The following ELMO1 variants were observed in gnomAD, a reference collection of about 807,000 sequenced individuals.
The protein encoded by ELMO1 is engulfment and cell motility protein 1.
ELMO1 carries 26 observed loss-of-function variants against 98.9 expected under a neutral mutation model. The observed-to-expected ratio is 0.26, with a 90% confidence interval of 0.19 to 0.36. The LOEUF (loss-of-function observed/expected upper bound fraction) is 0.36, where lower values mean the gene tolerates loss of function less well. ELMO1 is among the 10% of genes least tolerant of loss of function. The pLI is 1.00. For missense variants in ELMO1, 627 were observed against 935.2 expected (o/e 0.67, Z 4.30); for synonymous variants, 346 against 346.0 (o/e 1.00, Z 0.00).
At chr7:37,140,462 C>T (rs1007011557) in intron 13 of ELMO1, among the ~76,000 whole-genome samples, 1 of 151,982 alleles carries the variant, frequency 6.6e-6, no homozygotes, top group African/African-American at 2.4e-5. Flanking sequence ...CCCCTCTAGC[C>T]ATTGGCTTAG....
chr7:37,199,334 C>G (rs1165362578), intron 13 of ELMO1, among the ~76,000 whole-genome samples: 1 of 152,128 alleles, frequency 6.6e-6, no homozygotes, highest in Non-Finnish European at 1.5e-5. Context: ...TGAAAACGGG[C>G]TGAACATGGT....
chr7:37,287,102 A>G (rs1797429682), intron 4 of ELMO1, among the ~76,000 whole-genome samples: 1 of 151,974 alleles, frequency 6.6e-6, no homozygotes, highest in Non-Finnish European at 1.5e-5. Context: ...CTGAGACAGA[A>G]GGATCGCTTG....
intron 16 of ELMO1, among the ~76,000 whole-genome samples, chr7:36,963,724 C>T (rs1056158473): frequency 1.3e-5 from 2 of 152,180 alleles, no homozygotes; most frequent in Non-Finnish European, 2.9e-5. Flanking sequence ...TATGTCTATA[C>T]CCAATGTGTC....
chr7:37,101,816 A>G (rs113629383), intron 14 of ELMO1, among the ~76,000 whole-genome samples: 2,950 of 152,074 alleles, frequency 0.019, 43 homozygotes, highest in Non-Finnish European at 0.03. Context: ...CTCCTAGGAG[A>G]GAGTCACTCA....
rs117471197 is a variant in ELMO1, at chr7:37,328,726, G to T, written c.79-12766C>A. Reference sequence around the variant, plus strand: ...TAAAATCCTAAATTAACACTGGAACGTTTGATACCAACCAGGAGAGCCTCT... The same window carrying T: ...TAAAATCCTAAATTAACACTGGAACTTTTGATACCAACCAGGAGAGCCTCT... On this transcript the variant is annotated intron_variant, in intron 2 of 21. Transcript: ENST00000310758. 3.3e-5 allele frequency among the ~76,000 whole-genome samples: 5 copies of T among 152,256 alleles called. No individual in the cohort carries two copies. In the East Asian group the frequency reaches 9.7e-4, roughly 29 times the overall value.
intron 1 of ELMO1, among the ~76,000 whole-genome samples, chr7:37,372,628 A>G (rs1191347063): frequency 6.6e-6 from 1 of 152,232 alleles, no homozygotes; most frequent in Non-Finnish European, 1.5e-5. Flanking sequence ...TTACACTAAT[A>G]AAATTTTCTC....
At chr7:37,251,619 A>G (rs1795353397) in intron 6 of ELMO1, among the ~76,000 whole-genome samples, 2 of 152,348 alleles carry the variant, frequency 1.3e-5, no homozygotes, top group South Asian at 4.1e-4. Flanking sequence ...CCCACAGCCA[A>G]TATCATACTG....
intron 1 of ELMO1, among the ~76,000 whole-genome samples, chr7:37,387,010 T>C (rs1435300796): frequency 6.6e-6 from 1 of 152,144 alleles, no homozygotes; most frequent in Non-Finnish European, 1.5e-5. Flanking sequence ...ATGACTCTAA[T>C]ATATAGCAAG....
In ELMO1 at chr7:36,888,654, A is replaced by G. The variant is rs143099383; in HGVS notation, c.1602-982T>C. On this transcript the variant is annotated intron_variant, in intron 17 of 21. Transcript: ENST00000310758. ...CAAATGAGACAGAATACAAGTCTTT[A>G]TTAAGCACTGAGCAGGAATGTAAGG... Among the ~76,000 whole-genome samples the G allele has an allele frequency of 5.6e-4, 85 of 152,330 alleles. No homozygotes were observed. The East Asian group carries it at 0.015, about 28-fold the overall frequency.
intron 1 of ELMO1, among the ~76,000 whole-genome samples, chr7:37,437,688 G>GCCACCAT (rs1486765278): frequency 2.6e-4 from 4 of 15,596 alleles, no homozygotes; most frequent in African/African-American, 3.8e-4. Flanking sequence ...ATATACAATA[G>GCCACCAT]GCCGGGCGCG....
chr7:37,274,048 G>C (rs992568990), intron 4 of ELMO1, among the ~76,000 whole-genome samples: 33 of 152,322 alleles, frequency 2.2e-4, no homozygotes, highest in African/African-American at 7.9e-4. Flanking sequence ...ATTCAGCCCA[G>C]TGTAGAGCAT....
At chr7:36,937,983 T>C (rs1786694235) in intron 16 of ELMO1, among the ~76,000 whole-genome samples, 1 of 152,242 alleles carries the variant, frequency 6.6e-6, no homozygotes, top group African/African-American at 2.4e-5. Context: ...TGTCTGCTTA[T>C]GGTCGCATCC....
At chr7:37,059,202 C>T (rs563525751) in intron 15 of ELMO1, among the ~76,000 whole-genome samples, 1 of 152,274 alleles carries the variant, frequency 6.6e-6, no homozygotes, top group African/African-American at 2.4e-5. Context: ...AATTCTGATC[C>T]ACCAGGGAAA....
chr7:37,114,429 T>C (rs1785441034), intron 14 of ELMO1, among the ~76,000 whole-genome samples: 1 of 152,192 alleles, frequency 6.6e-6, no homozygotes, highest in Non-Finnish European at 1.5e-5. Context: ...TAGAATTTGC[T>C]GGGGTTAGTT....
intron 12 of ELMO1, among the ~76,000 whole-genome samples, chr7:37,212,192 G>A (rs756131601): frequency 4.6e-5 from 7 of 152,190 alleles, no homozygotes; most frequent in Non-Finnish European, 2.9e-5. Flanking sequence ...TTCATAGACA[G>A]AAACTAGAAT....
At chr7:36,872,925 GC>G (rs1311174205) in intron 19 of ELMO1, among the ~76,000 whole-genome samples, 1 of 152,214 alleles carries the variant, frequency 6.6e-6, no homozygotes, top group East Asian at 1.9e-4. Flanking sequence ...TGGTAAGTTA[GC>G]CCTTAGCTTT....
intron 15 of ELMO1, among the ~76,000 whole-genome samples, chr7:37,046,021 T>C (rs537153685): frequency 9.9e-5 from 15 of 152,182 alleles, no homozygotes; most frequent in Non-Finnish European, 2.1e-4. Context: ...CAGGCTTGAA[T>C]GGATTAAGCC....
At chr7:36,884,119 G>A (rs1390302496) in intron 18 of ELMO1, among the ~76,000 whole-genome samples, 4 of 152,012 alleles carry the variant, frequency 2.6e-5, no homozygotes, top group African/African-American at 9.7e-5. Flanking sequence ...TCAGGAGTTC[G>A]AGACCAGCCT....
intron 13 of ELMO1, among the ~76,000 whole-genome samples, chr7:37,202,533 C>T (rs550032160): frequency 3.9e-5 from 6 of 152,302 alleles, no homozygotes; most frequent in Non-Finnish European, 8.8e-5. Context: ...AATGATTTTT[C>T]TGAGAATTCA....
Sources: allele counts gnomAD v4.1 joint callset (sites outside exome capture counted in the v4.1 genomes callset), GRCh38; gene constraint gnomAD v4.1.1; transcripts MANE v1.5; gene names NCBI Gene and HGNC (gene_info 2026-07-23, HGNC 2026-07-21).